The following FILIP1L variants were observed in gnomAD, a reference collection of about 807,000 sequenced individuals.
The protein encoded by FILIP1L is filamin A-interacting protein 1-like.
In FILIP1L, 55 loss-of-function variants were observed where a neutral mutation model predicts 96.6. The observed-to-expected ratio is 0.57, with a 90% confidence interval of 0.46 to 0.71. The LOEUF (loss-of-function observed/expected upper bound fraction) is 0.71, where lower values mean the gene tolerates loss of function less well. Ranked by LOEUF, FILIP1L falls within the 30% of genes least tolerant of loss-of-function variation. FILIP1L has a pLI of 0.00. For missense variants in FILIP1L, 1,304 were observed against 1,321.2 expected (o/e 0.99, Z 0.20); for synonymous variants, 467 against 473.9 (o/e 0.99, Z 0.19).
intron 1 of FILIP1L, among the ~76,000 whole-genome samples, chr3:100,017,897 T>C (rs772589235): frequency 7.9e-5 from 12 of 152,212 alleles, no homozygotes; most frequent in Non-Finnish European, 1.8e-4. Flanking sequence ...CCAGTTTTCC[T>C]GGATCTGTAG....
intron 5 of FILIP1L, among the ~76,000 whole-genome samples, chr3:99,832,278 T>C (rs1942697618): frequency 6.7e-6 from 1 of 149,466 alleles, no homozygotes; most frequent in Non-Finnish European, 1.5e-5. Context: ...TCACCCAGAC[T>C]GGAGTGCAGT....
intron 1 of FILIP1L, among the ~76,000 whole-genome samples, chr3:100,047,366 A>T (rs1486034413): frequency 6.6e-6 from 1 of 152,242 alleles, no homozygotes; most frequent in African/African-American, 2.4e-5. Context: ...TTTAAGCTTC[A>T]TGCATTTAAA....
At chr3:99,834,657 G>C (rs772996827) in intron 5 of FILIP1L, among the ~76,000 whole-genome samples, 8 of 151,084 alleles carry the variant, frequency 5.3e-5, no homozygotes, top group Non-Finnish European at 1.2e-4. Context: ...TTCTTTTTTT[G>C]TACCCTTTCC....
At chr3:100,006,914 G>T (rs967502232) in intron 1 of FILIP1L, among the ~76,000 whole-genome samples, 6 of 152,166 alleles carry the variant, frequency 3.9e-5, no homozygotes, top group African/African-American at 1.4e-4. Context: ...CATTGAGAAG[G>T]ATAAAAAATA....
chr3:100,083,093 A>T (rs895997486), intron 1 of FILIP1L, among the ~76,000 whole-genome samples: 4 of 152,218 alleles, frequency 2.6e-5, no homozygotes, highest in Non-Finnish European at 5.9e-5. Flanking sequence ...AAATAAAATC[A>T]TGTATGGATT....
chr3:100,081,467 A>G (rs1389442157), intron 1 of FILIP1L, among the ~76,000 whole-genome samples: 1 of 152,192 alleles, frequency 6.6e-6, no homozygotes, highest in East Asian at 1.9e-4. Flanking sequence ...ATCTGATTAT[A>G]CTTGACAACC....
chr3:99,862,464 T>C (rs372955498), intron 4 of FILIP1L, among the ~76,000 whole-genome samples: 49 of 152,318 alleles, frequency 3.2e-4, no homozygotes, highest in African/African-American at 1.2e-3. Flanking sequence ...ATGATTGTCA[T>C]TTTAGGTCAG....
chr3:99,871,005 A>G (rs952858618), intron 4 of FILIP1L, among the ~76,000 whole-genome samples: 1 of 152,184 alleles, frequency 6.6e-6, no homozygotes, highest in Non-Finnish European at 1.5e-5. Flanking sequence ...TTCACCAGGT[A>G]TACAAAGTCT....
intron 1 of FILIP1L, among the ~76,000 whole-genome samples, chr3:100,035,888 T>G (rs114971946): frequency 0.012 from 1,898 of 152,282 alleles, 31 homozygotes; most frequent in African/African-American, 0.043. Context: ...ACATGTAATT[T>G]CTATGGATGG....
chr3:100,064,353 C>G (rs1299535737), intron 1 of FILIP1L, among the ~76,000 whole-genome samples: 1 of 152,090 alleles, frequency 6.6e-6, no homozygotes, highest in East Asian at 1.9e-4. Context: ...GCTCCCCAGT[C>G]CCACGGCCTC....
At chr3:100,031,457 A>G (rs1476752212) in intron 1 of FILIP1L, among the ~76,000 whole-genome samples, 1 of 152,068 alleles carries the variant, frequency 6.6e-6, no homozygotes, top group Non-Finnish European at 1.5e-5. Flanking sequence ...ATGGTGATCT[A>G]GTAAGTGAGT....
chr3:100,095,727 C>T (rs914434261), intron 1 of FILIP1L, among the ~76,000 whole-genome samples: 9 of 152,130 alleles, frequency 5.9e-5, no homozygotes, highest in African/African-American at 2.2e-4. Flanking sequence ...ATTTATTGAA[C>T]AATACCCCAC....
At chr3:100,013,591 T>C (rs1277968915) in intron 1 of FILIP1L, among the ~76,000 whole-genome samples, 1 of 152,172 alleles carries the variant, frequency 6.6e-6, no homozygotes, top group Non-Finnish European at 1.5e-5. Context: ...ATGTTTGAAA[T>C]TATATTTATA....
chr3:100,014,862 T>G (rs1402548176), intron 1 of FILIP1L, among the ~76,000 whole-genome samples: 1 of 147,604 alleles, frequency 6.8e-6, no homozygotes. Flanking sequence ...ACACCATTTG[T>G]CTTTTTCTTT....
chr3:100,097,443 G>T (rs1211270261), intron 1 of FILIP1L, among the ~76,000 whole-genome samples: 5 of 152,164 alleles, frequency 3.3e-5, no homozygotes, highest in Admixed American at 3.3e-4. Context: ...TATCTGAAGG[G>T]AGTCCTGGAA....
At chr3:99,871,982 T>C (rs572587165) in intron 4 of FILIP1L, among the ~76,000 whole-genome samples, 20 of 152,238 alleles carry the variant, frequency 1.3e-4, no homozygotes, top group African/African-American at 4.8e-4. Flanking sequence ...CTTTGAACCT[T>C]TCTACTTTCT....
At chr3:99,936,497 T>C in intron 1 of FILIP1L, among the ~76,000 whole-genome samples, 1 of 140,286 alleles carries the variant, frequency 7.1e-6, no homozygotes, top group African/African-American at 2.7e-5. Context: ...TGCCTCAGCC[T>C]CCCAAGTAGC....
intron 1 of FILIP1L, among the ~76,000 whole-genome samples, chr3:99,966,409 C>G (rs534886493): frequency 2.6e-5 from 4 of 151,030 alleles, no homozygotes; most frequent in Admixed American, 1.3e-4. Context: ...TTTTTTTTTT[C>G]GGCTATATAT....
At chr3:99,866,051 C>G (rs1254661843) in intron 4 of FILIP1L, among the ~76,000 whole-genome samples, 1 of 152,090 alleles carries the variant, frequency 6.6e-6, no homozygotes, top group Non-Finnish European at 1.5e-5. Flanking sequence ...TTAACCTCTA[C>G]TCTTCGTTGG....
Sources: gnomAD v4.1 joint callset for allele counts (sites outside exome capture counted in the v4.1 genomes callset) on GRCh38, gnomAD v4.1.1 for gene constraint, MANE v1.5 for transcripts, NCBI Gene and HGNC (gene_info 2026-07-23, HGNC 2026-07-21) for gene names.